The following RBFOX1 variants were observed in gnomAD, a reference collection of about 807,000 sequenced individuals.
The protein encoded by RBFOX1 is RNA binding fox-1 homolog 1, also known as RNA binding protein fox-1 homolog 1.
RBFOX1 carries 8 observed loss-of-function variants against 57.7 expected under a neutral mutation model. The ratio of observed to expected loss-of-function variants is 0.14; its 90% confidence interval spans 0.08 to 0.25. RBFOX1 has a LOEUF of 0.25. Ranked by LOEUF, RBFOX1 falls within the 10% of genes least tolerant of loss-of-function variation. The pLI, the probability that RBFOX1 is intolerant of heterozygous loss-of-function variation, is 1.00. For synonymous variants in RBFOX1, 326 were observed against 222.4 expected, an observed-to-expected ratio of 1.47 and a Z score of -4.15; for missense variants, 611 against 548.5, an observed-to-expected ratio of 1.11 and a Z score of -1.14.
intron 2 of RBFOX1, among the ~76,000 whole-genome samples, chr16:6,438,045 C>T (rs1030052741): frequency 3.9e-5 from 6 of 152,098 alleles, no homozygotes; most frequent in Admixed American, 1.3e-4. Context: ...CATCCCAATG[C>T]CGTTCACCCT....
chr16:7,517,955 G>A (rs946069772), intron 4 of RBFOX1, among the ~76,000 whole-genome samples, 192 bp from the exon 5 acceptor site: 2 of 152,040 alleles, frequency 1.3e-5, no homozygotes, highest in Admixed American at 1.3e-4. Flanking sequence ...AAAATGGGGA[G>A]AAGTGATGGT....
chr16:5,929,954 A>G (rs1313579845), intron 4 of RBFOX1, among the ~76,000 whole-genome samples: 4 of 151,608 alleles, frequency 2.6e-5, no homozygotes, highest in Non-Finnish European at 5.9e-5. Context: ...GTGGGGCACA[A>G]TGTGGCTGGT....
intron 10 of RBFOX1, among the ~76,000 whole-genome samples, chr16:7,623,122 A>G (rs935102040): frequency 6.6e-6 from 1 of 152,158 alleles, no homozygotes; most frequent in Non-Finnish European, 1.5e-5. Context: ...GACTCTCATT[A>G]TAAGGTAGGA....
At chr16:5,867,367 A>C in intron 4 of RBFOX1, 6 of 1,159,102 alleles carry the variant, frequency 5.2e-6, no homozygotes, top group Non-Finnish European at 6.5e-6. Context: ...TCCCTTTAGA[A>C]GATAGTTTGA....
intron 2 of RBFOX1, among the ~76,000 whole-genome samples, chr16:6,568,923 C>A (rs1034452500): frequency 3.3e-5 from 5 of 152,072 alleles, no homozygotes; most frequent in Non-Finnish European, 7.4e-5. Flanking sequence ...CAGGCACGTG[C>A]CATTATGCCC....
intron 3 of RBFOX1, among the ~76,000 whole-genome samples, chr16:6,739,027 T>C (rs1485911405): frequency 6.6e-6 from 1 of 152,144 alleles, no homozygotes; most frequent in Non-Finnish European, 1.5e-5. Flanking sequence ...ATGCTTTCAA[T>C]TTAAAAATGA....
intron 1 of RBFOX1, among the ~76,000 whole-genome samples, chr16:5,375,668 G>A (rs2065967026): frequency 6.6e-6 from 1 of 152,188 alleles, no homozygotes; most frequent in Non-Finnish European, 1.5e-5. Context: ...CCAACTATGT[G>A]CCAGGCACTG....
chr16:7,285,325 G>T (rs2095628552), intron 4 of RBFOX1, among the ~76,000 whole-genome samples: 3 of 151,826 alleles, frequency 2.0e-5, no homozygotes, highest in Admixed American at 1.3e-4. Flanking sequence ...GGATATTGAT[G>T]TTGGTACAAC....
At chr16:7,580,929 T>C (rs1338654448) in intron 6 of RBFOX1, among the ~76,000 whole-genome samples, 1 of 152,184 alleles carries the variant, frequency 6.6e-6, no homozygotes, top group African/African-American at 2.4e-5. Flanking sequence ...CTCTAAGAGT[T>C]AATAAATGGA....
chr16:6,227,760 C>G (rs112922368), intron 1 of RBFOX1, among the ~76,000 whole-genome samples: 4 of 152,044 alleles, frequency 2.6e-5, no homozygotes, highest in Non-Finnish European at 5.9e-5. Flanking sequence ...TTGTGTTTTG[C>G]GATAAAAAAT....
At chr16:6,883,125 C>T (rs911193152) in intron 3 of RBFOX1, among the ~76,000 whole-genome samples, 1 of 152,098 alleles carries the variant, frequency 6.6e-6, no homozygotes, top group South Asian at 2.1e-4. Flanking sequence ...ATATATCAAG[C>T]AGATCATTAA....
In RBFOX1 at chr16:6,638,737, C is replaced by T. The variant is rs147460113; in HGVS notation, c.-63-15866C>T. Among the ~76,000 whole-genome samples, 889 of 152,226 alleles carry T rather than the reference C, an allele frequency of 5.8e-3. 9 individuals are homozygous for T. Among genetic ancestry groups the T allele is most frequent in the African/African-American group, 0.019 (794 of 41,532 alleles). ...GAGTACAAAAAATTGAGAGGAAAAA[C>T]AAAAGAGACTTCTCTTCGCTATTGT... On this transcript the variant is annotated intron_variant, in intron 2 of 15. Coordinates refer to ENST00000550418, the MANE Select transcript of RBFOX1 (RefSeq NM_018723.4).
intron 1 of RBFOX1, among the ~76,000 whole-genome samples, chr16:5,453,621 G>A (rs1430517482): frequency 6.6e-6 from 1 of 152,154 alleles, no homozygotes; most frequent in Non-Finnish European, 1.5e-5. Flanking sequence ...CATAGGCAGA[G>A]CTCTTAGAAT....
At chr16:7,595,676 T>A (rs1200600903) in intron 8 of RBFOX1, 35 bp downstream of exon 8, 1 of 1,534,678 alleles carries the variant, frequency 6.5e-7, no homozygotes, top group Non-Finnish European at 8.8e-7. Flanking sequence ...TTCATCTTTT[T>A]TATAAATGTC....
chr16:6,732,537 G>A (rs554868930), intron 3 of RBFOX1, among the ~76,000 whole-genome samples: 1 of 152,208 alleles, frequency 6.6e-6, no homozygotes, highest in African/African-American at 2.4e-5. Context: ...TAGTGTAGCA[G>A]GCAATTGCTT....
intron 2 of RBFOX1, among the ~76,000 whole-genome samples, chr16:6,319,110 T>TGA (rs2081453914): frequency 6.6e-6 from 1 of 152,106 alleles, no homozygotes; most frequent in African/African-American, 2.4e-5. Flanking sequence ...GCATGCTGGT[T>TGA]GAGAAATTGC....
intron 3 of RBFOX1, among the ~76,000 whole-genome samples, chr16:5,631,607 A>G (rs1232018193): frequency 6.6e-6 from 1 of 151,492 alleles, no homozygotes; most frequent in Non-Finnish European, 1.5e-5. Flanking sequence ...TTTTGACTTC[A>G]GTTTTAGGTA....
At chr16:5,495,815 C>T (rs957374794) in intron 2 of RBFOX1, among the ~76,000 whole-genome samples, 6 of 152,210 alleles carry the variant, frequency 3.9e-5, no homozygotes, top group African/African-American at 1.4e-4. Context: ...CATGAATGTT[C>T]CATCCCTTGG....
chr16:6,201,975 T>G (rs1165715063), intron 1 of RBFOX1, among the ~76,000 whole-genome samples: 2 of 152,116 alleles, frequency 1.3e-5, no homozygotes, highest in African/African-American at 4.8e-5. Context: ...AGGTCCCCAT[T>G]GTGAACATGT....
Sources: gnomAD v4.1 joint callset for allele counts (sites outside exome capture counted in the v4.1 genomes callset) on GRCh38, gnomAD v4.1.1 for gene constraint, MANE v1.5 for transcripts, NCBI Gene and HGNC (gene_info 2026-07-23, HGNC 2026-07-21) for gene names.